Variants in STAG1 observed in about 807,000 individuals in gnomAD.
STAG1 encodes the protein STAG1 cohesin complex component, also known as cohesin subunit SA-1.
Under a neutral mutation model 170.9 loss-of-function variants are expected in STAG1, and 26 were observed. The observed-to-expected ratio is 0.15, with a 90% CI of 0.11 to 0.21. STAG1 has a LOEUF of 0.21. Among genes scored for constraint, STAG1 ranks in the 10% least tolerant of loss-of-function variants. The pLI is 1.00. For missense variants in STAG1, 964 were observed against 1,509.5 expected, an observed-to-expected ratio of 0.64 and a Z score of 5.99; for synonymous variants, 514 against 497.7, an observed-to-expected ratio of 1.03 and a Z score of -0.44.
At chr3:136,592,019 T>TACTAC (rs1938210301) in intron 4 of STAG1, among the ~76,000 whole-genome samples, 1 of 152,082 alleles carries the variant, frequency 6.6e-6, no homozygotes, top group African/African-American at 2.4e-5. Flanking sequence ...AGAGAGGTAG[T>TACTAC]CCTGGGTCAA....
At chr3:136,444,627 A>G (rs140091826) in intron 14 of STAG1, among the ~76,000 whole-genome samples, 1 of 152,358 alleles carries the variant, frequency 6.6e-6, no homozygotes, top group Non-Finnish European at 1.5e-5. Flanking sequence ...TGCACAGTAG[A>G]AAGAGTGCAT....
At chr3:136,629,472 T>A (rs1481580712) in intron 2 of STAG1, among the ~76,000 whole-genome samples, 1 of 151,996 alleles carries the variant, frequency 6.6e-6, no homozygotes, top group Non-Finnish European at 1.5e-5. Flanking sequence ...AATATGGTAT[T>A]TATACCATAT....
At chr3:136,750,409 A>G (rs1935170277) in intron 1 of STAG1, among the ~76,000 whole-genome samples, 1 of 151,810 alleles carries the variant, frequency 6.6e-6, no homozygotes, top group Non-Finnish European at 1.5e-5. Context: ...TCCAGGACCC[A>G]CTCCTTCTCC....
chr3:136,623,520 A>C (rs1048814953), intron 2 of STAG1, among the ~76,000 whole-genome samples: 2 of 152,198 alleles, frequency 1.3e-5, no homozygotes, highest in Admixed American at 6.5e-5. Flanking sequence ...GCAAAATATA[A>C]CTGCAAAAGA....
Position 136,421,143 on chromosome 3 carries a change from A to G in STAG1, c.2058T>C (p.Asp686=). 1.2e-6 allele frequency: 2 copies of G among 1,607,468 alleles called. No individual in the cohort carries two copies. The highest frequency in any genetic ancestry group is 1.7e-6 in the Non-Finnish European group (2 of 1,176,534). ...LLQEGEEADD[D]DIYNVLSTLK... The stretch of plus-strand genomic sequence containing the variant: ...ATGTAGAAAGAACATTGTAAATGTC[A>G]TCATCATCAGCTTCTTCTCCCTATA... The change falls in exon 20 of 34, where the codon GAT becomes GAC. Residue 686 remains aspartate, a synonymous_variant. Transcript: ENST00000383202.
chr3:136,524,225 G>A (rs1343391567), intron 6 of STAG1, among the ~76,000 whole-genome samples: 2 of 152,180 alleles, frequency 1.3e-5, no homozygotes, highest in African/African-American at 4.8e-5. Flanking sequence ...TCCTATCCAT[G>A]AGCATGGAAT....
intron 1 of STAG1, among the ~76,000 whole-genome samples, chr3:136,658,481 T>TAACTA (rs1466088169): frequency 6.6e-6 from 1 of 151,990 alleles, no homozygotes; most frequent in Non-Finnish European, 1.5e-5. Context: ...AAACCAAATA[T>TAACTA]AACTATACAC....
intron 15 of STAG1, among the ~76,000 whole-genome samples, chr3:136,440,450 C>T (rs1388510790): frequency 6.6e-6 from 1 of 151,746 alleles, no homozygotes; most frequent in Non-Finnish European, 1.5e-5. Context: ...AATTTATATT[C>T]TTTGCCTCCC....
chr3:136,413,290 T>C (rs2087679697), intron 21 of STAG1, among the ~76,000 whole-genome samples: 1 of 148,592 alleles, frequency 6.7e-6, no homozygotes, highest in Non-Finnish European at 1.5e-5. Flanking sequence ...ATATATATCG[T>C]ATACAATATA....
chr3:136,352,877 C>A (rs1936488989), intron 28 of STAG1, among the ~76,000 whole-genome samples: 1 of 152,220 alleles, frequency 6.6e-6, no homozygotes, highest in Non-Finnish European at 1.5e-5. Flanking sequence ...TTTTGACTTA[C>A]AATATTTTAA....
In STAG1 at chr3:136,454,619, G is replaced by A. The variant is rs569925490; in HGVS notation, c.1314-2472C>T. Reference sequence around the variant, plus strand: ...GATCTCGAACTCCTGACCTCAAGTCGTCCACCTGCCTCGGCCTCCCAAAGT... The same window carrying A: ...GATCTCGAACTCCTGACCTCAAGTCATCCACCTGCCTCGGCCTCCCAAAGT... On this transcript the variant is annotated intron_variant, in intron 13 of 33. Transcript: ENST00000383202. Among the ~76,000 whole-genome samples the A allele has an allele frequency of 2.5e-4, 37 of 150,448 alleles. No individual in the cohort carries two copies. The South Asian group carries it at 5.1e-3, about 21-fold the overall frequency.
intron 15 of STAG1, among the ~76,000 whole-genome samples, chr3:136,437,942 G>T (rs2088505962): frequency 6.6e-6 from 1 of 152,156 alleles, no homozygotes; most frequent in Non-Finnish European, 1.5e-5. Flanking sequence ...CAATGTTTAT[G>T]AAAGGGATTT....
rs1161592062 is a variant in STAG1 at position 136,369,104 on chromosome 3, G to A, written c.2545+4C>T. ...AATATTGACAAGATGATAGCTACAA[G>A]TACCCATGCTCTGGTTCTCCTCGTC... On this transcript the variant is annotated splice_donor_region_variant and intron_variant, in intron 24 of 33. Coordinates refer to ENST00000383202, the MANE Select transcript of STAG1 (RefSeq NM_005862.3). The A allele has an allele frequency of 6.7e-7, 1 of 1,500,108 alleles. No individual in the cohort carries two copies. Among genetic ancestry groups the A allele is most frequent in the Non-Finnish European group, 8.9e-7 (1 of 1,127,736 alleles). The allele number at this position is 1,500,108 out of a possible 1,614,324, so 92.9% of individuals were successfully genotyped here.
At chr3:136,626,649 G>A (rs1353051261) in intron 2 of STAG1, among the ~76,000 whole-genome samples, 1 of 152,094 alleles carries the variant, frequency 6.6e-6, no homozygotes, top group Non-Finnish European at 1.5e-5. Context: ...AATCTTATTT[G>A]TCTCTACTAA....
chr3:136,390,484 T>C (rs931351308), intron 22 of STAG1, among the ~76,000 whole-genome samples: 1 of 152,182 alleles, frequency 6.6e-6, no homozygotes, highest in Non-Finnish European at 1.5e-5. Flanking sequence ...GCACTTGTGA[T>C]TGGACATAAT....
rs182001598 is a variant in STAG1 at position 136,516,880 on chromosome 3, C to T, written c.676+4333G>A. On this transcript the variant is annotated intron_variant, in intron 7 of 33. Coordinates refer to ENST00000383202, the MANE Select transcript of STAG1 (RefSeq NM_005862.3). ...TTATCCAACTAGTAAAAGACAGAGA[C>T]GAATATGAATTCAGACAGGCACGCC... Among the ~76,000 whole-genome samples, 625 of 152,186 alleles carry T rather than the reference C, an allele frequency of 4.1e-3. 3 individuals carry two copies. The highest frequency in any genetic ancestry group is 6.5e-3 in the Non-Finnish European group (442 of 68,010).
chr3:136,359,879 A>G (rs892037089), intron 26 of STAG1, among the ~76,000 whole-genome samples: 5 of 152,228 alleles, frequency 3.3e-5, no homozygotes, highest in Non-Finnish European at 5.9e-5. Flanking sequence ...ATAAACATCT[A>G]TTCTTTTTGT....
chr3:136,447,598 T>G (rs2088820430), intron 14 of STAG1, among the ~76,000 whole-genome samples: 2 of 13,738 alleles, frequency 1.5e-4, no homozygotes, highest in South Asian at 0.011. Flanking sequence ...AGCATCACAT[T>G]TTTTTTTTTT....
intron 7 of STAG1, among the ~76,000 whole-genome samples, chr3:136,509,237 G>C (rs1009014953): frequency 6.6e-6 from 1 of 152,170 alleles, no homozygotes; most frequent in Admixed American, 6.5e-5. Context: ...CGACTATCCC[G>C]ATTAAACAGG....
Sources: gnomAD v4.1 joint callset for allele counts (sites outside exome capture counted in the v4.1 genomes callset) on GRCh38, gnomAD v4.1.1 for gene constraint, MANE v1.5 for transcripts, NCBI Gene and HGNC (gene_info 2026-07-23, HGNC 2026-07-21) for gene names.